SUGCT: variants seen among roughly 807,000 people sequenced by gnomAD.
The protein encoded by SUGCT is succinyl-CoA:glutarate CoA-transferase.
In SUGCT, 41 loss-of-function variants were observed where a neutral mutation model predicts 55.0. That is an observed-to-expected ratio of 0.74 (90% confidence interval 0.58 to 0.97). The LOEUF is 0.97. SUGCT is among the 50% of genes least tolerant of loss of function. The probability of loss-of-function intolerance (pLI) is 0.00; values close to 1 mark genes in which losing one functional copy is unlikely to be tolerated. For missense variants in SUGCT, 568 were observed against 547.8 expected (o/e 1.04, Z -0.37); for synonymous variants, 187 against 200.4 (o/e 0.93, Z 0.56).
intron 1 of SUGCT, among the ~76,000 whole-genome samples, chr7:40,136,928 G>A (rs1259952153): frequency 6.6e-6 from 1 of 151,944 alleles, no homozygotes; most frequent in Non-Finnish European, 1.5e-5. Context: ...CTAGGAGGTT[G>A]AAGCTGCAGT....
chr7:40,959,620 C>T, the SUGCT span, among the ~76,000 whole-genome samples: 2 of 152,024 alleles, frequency 1.3e-5, no homozygotes. Context: ...GGTGGGATCT[C>T]CTGAGCAAGA....
At chr7:40,998,376 A>G in the SUGCT span, among the ~76,000 whole-genome samples, 1 of 152,094 alleles carries the variant, frequency 6.6e-6, no homozygotes, top group Non-Finnish European at 1.5e-5. Flanking sequence ...TGAAAAAAAA[A>G]AAGGAGCTAG....
intron 13 of SUGCT, among the ~76,000 whole-genome samples, chr7:40,858,174 G>A (rs912494906): frequency 6.6e-6 from 1 of 151,968 alleles, no homozygotes; most frequent in Non-Finnish European, 1.5e-5. Flanking sequence ...AGTGGTTGAC[G>A]CATCACAAGT....
chr7:40,807,305 T>C (rs1197943600), intron 13 of SUGCT, among the ~76,000 whole-genome samples: 1 of 152,188 alleles, frequency 6.6e-6, no homozygotes, highest in African/African-American at 2.4e-5. Context: ...TGGTGGTTTG[T>C]TGCACCTGTC....
chr7:40,712,374 T>C (rs1469197908), intron 12 of SUGCT, among the ~76,000 whole-genome samples: 1 of 152,236 alleles, frequency 6.6e-6, no homozygotes, highest in Non-Finnish European at 1.5e-5. Flanking sequence ...CATATTGTGT[T>C]GTTGCATCAG....
chr7:40,834,075 C>CA (rs1277123366), intron 13 of SUGCT, among the ~76,000 whole-genome samples: 2 of 152,092 alleles, frequency 1.3e-5, no homozygotes, highest in African/African-American at 2.4e-5. Context: ...TCATCTTAAA[C>CA]AAAAAATCTC....
intron 9 of SUGCT, among the ~76,000 whole-genome samples, chr7:40,377,173 TCTTTC>T (rs1784606584): frequency 1.3e-4 from 2 of 15,856 alleles, no homozygotes; most frequent in African/African-American, 2.0e-4. Flanking sequence ...TTTCTTTCTT[TCTTTC>T]TTTCTTTCTT....
chr7:40,653,890 T>C (rs953315505), intron 12 of SUGCT, among the ~76,000 whole-genome samples: 1 of 152,166 alleles, frequency 6.6e-6, no homozygotes, highest in African/African-American at 2.4e-5. Context: ...GCTAACAGTA[T>C]TGCGGACTCC....
intron 12 of SUGCT, among the ~76,000 whole-genome samples, chr7:40,617,512 T>TGTGC (rs1491077946): frequency 6.7e-6 from 1 of 148,260 alleles, no homozygotes; most frequent in African/African-American, 2.5e-5. Context: ...TGTGTGTGTG[T>TGTGC]GCATGTTTTC....
At chr7:40,195,652 T>G (rs78621118) in intron 6 of SUGCT, among the ~76,000 whole-genome samples, 2,508 of 152,080 alleles carry the variant, frequency 0.016, 70 homozygotes, top group African/African-American at 0.059. Context: ...TTTGCAAATG[T>G]TTACAAAATA....
chr7:40,281,430 A>G (rs898125145), intron 8 of SUGCT, among the ~76,000 whole-genome samples: 4 of 152,370 alleles, frequency 2.6e-5, no homozygotes, highest in African/African-American at 9.6e-5. Context: ...AACGAAAAAT[A>G]GAAGGTTATA....
At chr7:40,236,021 T>C (rs1363013117) in intron 6 of SUGCT, among the ~76,000 whole-genome samples, 2 of 152,054 alleles carry the variant, frequency 1.3e-5, no homozygotes, top group Non-Finnish European at 2.9e-5. Flanking sequence ...TGGAGACAAA[T>C]TTATGTAGCT....
chr7:40,284,102 A>G (rs1013773467), intron 8 of SUGCT, among the ~76,000 whole-genome samples: 25 of 150,974 alleles, frequency 1.7e-4, no homozygotes, highest in Admixed American at 1.4e-3. Flanking sequence ...AGTTGAACTC[A>G]TAGAGGCAGA....
At chr7:40,674,572 T>C (rs540468990) in intron 12 of SUGCT, among the ~76,000 whole-genome samples, 7 of 152,286 alleles carry the variant, frequency 4.6e-5, no homozygotes, top group Non-Finnish European at 8.8e-5. Flanking sequence ...GGACCAAAAA[T>C]TGTGGCCCCG....
chr7:40,604,729 C>T (rs186253758), intron 12 of SUGCT, among the ~76,000 whole-genome samples: 1 of 152,228 alleles, frequency 6.6e-6, no homozygotes, highest in East Asian at 1.9e-4. Flanking sequence ...CACTGTAAGG[C>T]CAAGTAGGAG....
At chr7:40,215,609 T>C (rs1787579004) in intron 6 of SUGCT, among the ~76,000 whole-genome samples, 1 of 152,182 alleles carries the variant, frequency 6.6e-6, no homozygotes, top group Non-Finnish European at 1.5e-5. Context: ...ATGCCTGTAA[T>C]CCCAGCACTT....
chr7:40,558,138 G>T (rs893252456), intron 12 of SUGCT, among the ~76,000 whole-genome samples: 4 of 152,040 alleles, frequency 2.6e-5, no homozygotes, highest in African/African-American at 7.2e-5. Flanking sequence ...TTTGATGTGG[G>T]TATGGAGAAA....
intron 6 of SUGCT, among the ~76,000 whole-genome samples, chr7:40,216,164 T>C (rs2150808376): frequency 6.6e-6 from 1 of 151,938 alleles, no homozygotes; most frequent in South Asian, 2.1e-4. Context: ...TAAAAAGAAT[T>C]TTCTTCATTT....
the SUGCT span, among the ~76,000 whole-genome samples, chr7:40,996,642 C>T: frequency 1.3e-5 from 2 of 152,134 alleles, no homozygotes; most frequent in Non-Finnish European, 2.9e-5. Flanking sequence ...TTTTGTGTTT[C>T]TGGATGTTAG....
Sources: gnomAD v4.1 joint callset for allele counts (sites outside exome capture counted in the v4.1 genomes callset) on GRCh38, gnomAD v4.1.1 for gene constraint, MANE v1.5 for transcripts, NCBI Gene and HGNC (gene_info 2026-07-23, HGNC 2026-07-21) for gene names.